The following KCNAB2 variants were observed in gnomAD, a reference collection of about 807,000 sequenced individuals.
The protein encoded by KCNAB2 is voltage-gated potassium channel subunit beta-2.
Under a neutral mutation model 63.6 loss-of-function variants are expected in KCNAB2, and 29 were observed. The observed-to-expected ratio is 0.46, with a 90% CI of 0.34 to 0.62. KCNAB2 has a LOEUF of 0.62. KCNAB2 is among the 20% of genes least tolerant of loss of function. The pLI is 0.01. For synonymous variants in KCNAB2, 222 were observed against 224.2 expected (o/e 0.99, Z 0.09); for missense variants, 359 against 563.9 (o/e 0.64, Z 3.68).
chr1:6,073,973 A>T lies in KCNAB2; in HGVS notation c.300+203A>T, dbSNP rs1663449902. 2 of 596,594 alleles carry T rather than the reference A, an allele frequency of 3.4e-6. No homozygotes were observed. The highest frequency in any genetic ancestry group is 4.5e-4 in the Middle Eastern group (1 of 2,232). 37.0% of individuals were successfully genotyped at this position (596,594 alleles called of 1,614,324 possible). On this transcript the variant is annotated intron_variant, in intron 4 of 15. Transcript: ENST00000378083. The surrounding 1 kb of genome is among the most constrained non-coding windows in gnomAD (Gnocchi z 5.7). ...GTGGCCATGGCCAGAGGGGATGCCGAGTCTGGTGCCATCACCCAGCAGTGG... is the reference window on the plus strand; with the variant it reads ...GTGGCCATGGCCAGAGGGGATGCCGTGTCTGGTGCCATCACCCAGCAGTGG...
intron 2 of KCNAB2, among the ~76,000 whole-genome samples, chr1:6,067,735 A>G (rs759977873): frequency 1.8e-4 from 27 of 152,190 alleles, no homozygotes; most frequent in Non-Finnish European, 2.1e-4. Flanking sequence ...TAGGGATCAA[A>G]AGCTAAAATT....
chr1:6,091,949 G>A (rs1287538814), intron 10 of KCNAB2, among the ~76,000 whole-genome samples: 1 of 152,180 alleles, frequency 6.6e-6, no homozygotes. Flanking sequence ...ACCAGGGGGT[G>A]GCCTCTGGCC....
chr1:6,017,373 G>A (rs1433192494), intron 1 of KCNAB2, among the ~76,000 whole-genome samples: 2 of 151,756 alleles, frequency 1.3e-5, no homozygotes, highest in Admixed American at 1.3e-4. Context: ...CTCCCAGGTT[G>A]CTGGGACCAC....
chr1:6,047,944 C>T (rs934184384), intron 1 of KCNAB2, among the ~76,000 whole-genome samples: 15 of 152,204 alleles, frequency 9.9e-5, no homozygotes, highest in Non-Finnish European at 1.8e-4. Flanking sequence ...CCCTCCGTGC[C>T]GCAGGGCTCC....
At position 5,994,312 on chromosome 1, in the gene KCNAB2, C is replaced by G. The variant is rs1325236949; in HGVS notation, c.-53+1524C>G. 6.6e-6 allele frequency among the ~76,000 whole-genome samples: 1 copy of G among 152,228 alleles called. No homozygotes were observed. Among genetic ancestry groups the G allele is most frequent in the Non-Finnish European group, 1.5e-5 (1 of 68,036 alleles). On this transcript the variant is annotated intron_variant, in intron 1 of 16. Transcript: ENST00000341524. The surrounding 1 kb of genome is among the most constrained non-coding windows in gnomAD (Gnocchi z 5.4). ...CGTGTGGAGAGTCACATCTGCCCAC[C>G]TGATTCTCGCCTGGCGGCCGTGTCT...
intron 2 of KCNAB2, among the ~76,000 whole-genome samples, chr1:6,064,008 G>T (rs906072482): frequency 3.9e-5 from 6 of 152,222 alleles, no homozygotes; most frequent in Admixed American, 2.6e-4. Context: ...CACCACTGGG[G>T]TAAGAACACC....
At position 6,089,041 on chromosome 1, in the gene KCNAB2, C is replaced by T; in HGVS notation, c.504C>T (p.His168=). Residue 168 remains histidine, a synonymous_variant, in exon 8 of 16, where the codon CAC becomes CAT. Coordinates refer to ENST00000378083, the MANE Select transcript of KCNAB2 (RefSeq NM_001199862.2). Reference sequence around the variant, plus strand: ...CGGAGCGGGGCCTGTCCAGGAAGCACATAATCGAAGGTGAGGACGCGCTCG... The same window carrying T: ...CGGAGCGGGGCCTGTCCAGGAAGCATATAATCGAAGGTGAGGACGCGCTCG... ...AETERGLSRK[H]IIEGLKASLE... is the part of the protein sequence containing the mutation. 6.5e-7 allele frequency: 1 copy of T among 1,549,218 alleles called. No homozygotes were observed. Among genetic ancestry groups the T allele is most frequent in the Non-Finnish European group, 8.7e-7 (1 of 1,146,288 alleles).
At chr1:6,056,640 G>A in intron 2 of KCNAB2, among the ~76,000 whole-genome samples, 1 of 152,186 alleles carries the variant, frequency 6.6e-6, no homozygotes, top group East Asian at 1.9e-4. Context: ...TCCCCGCAAG[G>A]CTCTACGTGG....
In KCNAB2 at chr1:6,071,760, G is replaced by A. The variant is rs1571022691; in HGVS notation, c.219-995G>A. Reference sequence around the variant, plus strand: ...GGCGAGGGCTCCCTCCTGCCGCGTGGGCTCCTCCTGCCGCGTGGGCTCCTC... The same window carrying A: ...GGCGAGGGCTCCCTCCTGCCGCGTGAGCTCCTCCTGCCGCGTGGGCTCCTC... On this transcript the variant is annotated intron_variant, in intron 2 of 15. Transcript: ENST00000378083. The surrounding 1 kb of genome is among the most constrained non-coding windows in gnomAD (Gnocchi z 8.5). Among the ~76,000 whole-genome samples, 2 of 151,752 alleles carry A rather than the reference G, an allele frequency of 1.3e-5. No individual in the cohort carries two copies. Among genetic ancestry groups the A allele is most frequent in the South Asian group, 4.2e-4 (2 of 4,782 alleles).
At chr1:6,043,514 T>G (rs1162521506), upstream of KCNAB2, among the ~76,000 whole-genome samples, 1 of 152,152 alleles carries the variant, frequency 6.6e-6, no homozygotes, top group African/African-American at 2.4e-5. Flanking sequence ...TCAGCCCCAA[T>G]TCTGGTGCCC....
intron 2 of KCNAB2, among the ~76,000 whole-genome samples, chr1:6,062,316 C>CAA (rs201396829): frequency 1.4e-5 from 2 of 143,302 alleles, no homozygotes; most frequent in African/African-American, 2.5e-5. Flanking sequence ...AAAAGAAGTC[C>CAA]AAAAAAAAAA....
Position 6,073,891 on chromosome 1 carries a change from C to A in KCNAB2, c.300+121C>A. The A allele has an allele frequency of 9.6e-7, 1 of 1,043,730 alleles. No individual in the cohort carries two copies. Among genetic ancestry groups the A allele is most frequent in the South Asian group, 1.3e-5 (1 of 76,512 alleles). 64.7% of individuals were successfully genotyped at this position (1,043,730 alleles called of 1,614,324 possible). ...GGGAGCCAGCGCAGCAGCCTCCCTC[C>A]CTCTTTCTGTTTTGTGAGGGCGCCC... On this transcript the variant is annotated intron_variant, in intron 4 of 15. Transcript: ENST00000378083. The surrounding 1 kb of genome is among the most constrained non-coding windows in gnomAD (Gnocchi z 5.7).
At chr1:6,004,566 C>G (rs1182456174) in intron 1 of KCNAB2, among the ~76,000 whole-genome samples, 1 of 151,902 alleles carries the variant, frequency 6.6e-6, no homozygotes. Context: ...TGTTCCTTGG[C>G]TTGTAGAAAC....
At chr1:6,083,563 C>T (rs752164524) in intron 5 of KCNAB2, among the ~76,000 whole-genome samples, 7 of 152,312 alleles carry the variant, frequency 4.6e-5, no homozygotes, top group Non-Finnish European at 1.0e-4. Context: ...AGCTTCCCCT[C>T]AGGTCGCCGT....
At chr1:5,993,262 C>T (rs1656660692) in intron 1 of KCNAB2, among the ~76,000 whole-genome samples, 1 of 151,942 alleles carries the variant, frequency 6.6e-6, no homozygotes, top group Non-Finnish European at 1.5e-5. Flanking sequence ...CCGTCGTTCT[C>T]GCTGCCTGTC....
In KCNAB2 at chr1:6,057,215, C is replaced by G. The variant is rs531843489; in HGVS notation, c.218+5461C>G. 3.8e-3 allele frequency among the ~76,000 whole-genome samples: 583 copies of G among 151,722 alleles called. 3 individuals are homozygous for G. Among genetic ancestry groups the G allele is most frequent in the Non-Finnish European group, 5.2e-3 (351 of 67,914 alleles). On this transcript the variant is annotated intron_variant, in intron 2 of 15. Transcript: ENST00000378083. ...GCCTCTGCGGTCCTTGGGCACTGAC[C>G]CTTGGTCATGAACTCCTGGCAGGGC...
intron 15 of KCNAB2, 150 bp downstream of exon 15, chr1:6,097,507 T>A: frequency 2.2e-6 from 3 of 1,389,990 alleles, no homozygotes; most frequent in Non-Finnish European, 3.0e-6. Context: ...CTGGAGAGCT[T>A]GCTTTCCAGC....
At position 6,088,993 on chromosome 1, in the gene KCNAB2, C is replaced by T. The variant is rs2273043; in HGVS notation, c.471-15C>T. 158,986 of 1,546,998 alleles carry T rather than the reference C, an allele frequency of 0.1. 8,895 individuals are homozygous for T. Among genetic ancestry groups the T allele is most frequent in the East Asian group, 0.18 (7,399 of 40,422 alleles). On this transcript the variant is annotated splice_polypyrimidine_tract_variant and intron_variant, in intron 7 of 15. Transcript: ENST00000378083. Reference sequence around the variant, plus strand: ...AACCGCTGGTGACATCACACGCGGTCGGCCTGTTTTCCAGGGCGGAGACGG... The same window carrying T: ...AACCGCTGGTGACATCACACGCGGTTGGCCTGTTTTCCAGGGCGGAGACGG...
chr1:6,000,888 C>G (rs1657217260), intron 1 of KCNAB2, among the ~76,000 whole-genome samples: 1 of 152,156 alleles, frequency 6.6e-6, no homozygotes, highest in African/African-American at 2.4e-5. Context: ...GGGCCAACAT[C>G]AGAGCGGGAG....
Sources: gnomAD v4.1 joint callset for allele counts (sites outside exome capture counted in the v4.1 genomes callset) on GRCh38, gnomAD v4.1.1 for gene constraint, Gnocchi (gnomAD v3.1) non-coding constraint, MANE v1.5 for transcripts, NCBI Gene and HGNC (gene_info 2026-07-23, HGNC 2026-07-21) for gene names.